CHRM5: variants seen among roughly 807,000 people sequenced by gnomAD.
CHRM5 encodes cholinergic receptor muscarinic 5.
CHRM5 carries 18 observed loss-of-function variants against 39.0 expected under a neutral mutation model. The observed-to-expected ratio is 0.46, with a 90% CI of 0.32 to 0.68. The LOEUF is 0.68. Among genes scored for constraint, CHRM5 ranks in the 30% least tolerant of loss-of-function variants. The probability of loss-of-function intolerance (pLI) is 0.04; values close to 1 mark genes in which losing one functional copy is unlikely to be tolerated. For synonymous variants in CHRM5, 241 were observed against 246.3 expected (o/e 0.98, Z 0.20); for missense variants, 515 against 651.1 (o/e 0.79, Z 2.28).
chr15:33,996,455 G>A (rs563799054), intron 1 of CHRM5, among the ~76,000 whole-genome samples: 3 of 152,268 alleles, frequency 2.0e-5, no homozygotes, highest in Admixed American at 2.0e-4. Flanking sequence ...TCATACAGGC[G>A]GGTGCCCCTC....
At chr15:34,047,369 G>A (rs981450001) in intron 2 of CHRM5, among the ~76,000 whole-genome samples, 24 of 152,164 alleles carry the variant, frequency 1.6e-4, no homozygotes, top group African/African-American at 4.8e-4. Flanking sequence ...GAGCCACCGT[G>A]CCCGGCGGAG....
intron 1 of CHRM5, among the ~76,000 whole-genome samples, chr15:34,018,748 T>C (rs188046705): frequency 1.6e-4 from 25 of 152,356 alleles, no homozygotes; most frequent in African/African-American, 6.0e-4. Context: ...GTCCTACTGA[T>C]TGGTCCATTT....
intron 2 of CHRM5, among the ~76,000 whole-genome samples, chr15:34,055,031 A>G (rs1022880192): frequency 1.3e-5 from 2 of 152,014 alleles, no homozygotes; most frequent in Non-Finnish European, 2.9e-5. Flanking sequence ...CATCTCTACT[A>G]AAAATACAAA....
At chr15:34,013,994 C>T (rs1413375596) in intron 1 of CHRM5, among the ~76,000 whole-genome samples, 1 of 152,098 alleles carries the variant, frequency 6.6e-6, no homozygotes, top group East Asian at 1.9e-4. Flanking sequence ...TAGCAAAGAA[C>T]GTGCTTCTAA....
chr15:33,999,122 C>T (rs546694985), intron 1 of CHRM5, among the ~76,000 whole-genome samples: 1 of 152,322 alleles, frequency 6.6e-6, no homozygotes, highest in African/African-American at 2.4e-5. Context: ...ATTACAACTT[C>T]CCTTGTCTTC....
At chr15:34,033,448 G>A (rs1443011614) in intron 1 of CHRM5, among the ~76,000 whole-genome samples, 5 of 151,802 alleles carry the variant, frequency 3.3e-5, no homozygotes, top group Admixed American at 1.3e-4. Flanking sequence ...GGAGATTGCA[G>A]TGAGCCGAGA....
chr15:34,029,268 A>C (rs1025026413), intron 1 of CHRM5, among the ~76,000 whole-genome samples: 2 of 152,192 alleles, frequency 1.3e-5, no homozygotes, highest in African/African-American at 2.4e-5. Flanking sequence ...AAAACAATTC[A>C]ACATGTATGT....
At chr15:34,006,545 G>A (rs1173055087) in intron 1 of CHRM5, among the ~76,000 whole-genome samples, 1 of 152,154 alleles carries the variant, frequency 6.6e-6, no homozygotes, top group Admixed American at 6.5e-5. Flanking sequence ...ATCTAAAAGA[G>A]GATTATGATC....
chr15:33,978,950 G>A (rs1353764298), intron 1 of CHRM5, among the ~76,000 whole-genome samples: 1 of 151,986 alleles, frequency 6.6e-6, no homozygotes, highest in East Asian at 1.9e-4. Context: ...AAGGAGTAGG[G>A]GTAGCAGAAC....
rs1214934389 is a variant in CHRM5 at position 34,065,427 on chromosome 15, G to A, written c.*1111G>A. ...TTCACACCAAGACGCAAGCAGGTCA[G>A]CTGTGCTGCCTCCAAGCAGGGGGTT... On this transcript the variant is annotated 3_prime_UTR_variant, in exon 3 of 3. Coordinates refer to ENST00000383263, the MANE Select transcript of CHRM5 (RefSeq NM_012125.4). The A allele has an allele frequency of 6.6e-6, 1 of 151,656 alleles. No homozygotes were observed. 9.4% of individuals were successfully genotyped at this position (151,656 alleles called of 1,614,324 possible). A position where few individuals can be genotyped will look rare whatever the true frequency, so the allele number is the denominator to read the frequency against.
At chr15:34,021,820 A>G (rs1332338336) in intron 1 of CHRM5, among the ~76,000 whole-genome samples, 8 of 152,154 alleles carry the variant, frequency 5.3e-5, no homozygotes, top group Non-Finnish European at 1.5e-5. Flanking sequence ...GCGCCACTGC[A>G]CTCCAGCCTG....
At chr15:34,050,724 T>C (rs143838003) in intron 2 of CHRM5, among the ~76,000 whole-genome samples, 15 of 152,148 alleles carry the variant, frequency 9.9e-5, no homozygotes, top group Admixed American at 2.0e-4. Flanking sequence ...AAAACAGACT[T>C]TAAACCAATA....
chr15:34,061,007 C>A (rs1900317779), intron 2 of CHRM5, among the ~76,000 whole-genome samples: 1 of 149,912 alleles, frequency 6.7e-6, no homozygotes, highest in East Asian at 2.0e-4. Context: ...CAGAGCGAGA[C>A]TCCGTCTCAA....
At chr15:33,999,013 G>A (rs542842324) in intron 1 of CHRM5, among the ~76,000 whole-genome samples, 2 of 152,254 alleles carry the variant, frequency 1.3e-5, no homozygotes, top group South Asian at 2.1e-4. Flanking sequence ...GCTCCATGTC[G>A]CCTATTAGAT....
chr15:33,989,215 A>G (rs1437090718), intron 1 of CHRM5, among the ~76,000 whole-genome samples: 2 of 152,156 alleles, frequency 1.3e-5, no homozygotes, highest in African/African-American at 4.8e-5. Flanking sequence ...AATTACATAT[A>G]TATGTTAGTA....
intron 1 of CHRM5, among the ~76,000 whole-genome samples, chr15:34,022,824 G>A (rs16958595): frequency 0.06 from 9,072 of 152,264 alleles, 553 homozygotes; most frequent in East Asian, 0.33. Flanking sequence ...ATTTCTCTTG[G>A]ATTTTTGCTA....
At chr15:33,986,771 G>C (rs150226643) in intron 1 of CHRM5, among the ~76,000 whole-genome samples, 8,765 of 151,406 alleles carry the variant, frequency 0.058, 707 homozygotes, top group African/African-American at 0.18. Context: ...ATTCTCCTGT[G>C]TCAGCCGCCC....
chr15:34,043,242 G>A (rs566552468), intron 1 of CHRM5, among the ~76,000 whole-genome samples: 36 of 147,044 alleles, frequency 2.4e-4, no homozygotes, highest in African/African-American at 8.2e-4. Flanking sequence ...GCAAGAATCC[G>A]TCTCAAAAAA....
intron 1 of CHRM5, among the ~76,000 whole-genome samples, chr15:34,001,274 G>A (rs570691802): frequency 4.0e-5 from 6 of 151,800 alleles, no homozygotes; most frequent in East Asian, 1.9e-4. Context: ...TACCTGCCTC[G>A]GCCTCCCAAA....
Sources: gnomAD v4.1 joint callset for allele counts (sites outside exome capture counted in the v4.1 genomes callset) on GRCh38, gnomAD v4.1.1 for gene constraint, MANE v1.5 for transcripts, NCBI Gene and HGNC (gene_info 2026-07-23, HGNC 2026-07-21) for gene names.